STT3A: variants seen among roughly 807,000 people sequenced by gnomAD.
STT3A encodes dolichyl-diphosphooligosaccharide--protein glycosyltransferase subunit STT3A.
A neutral mutation model predicts 89.2 loss-of-function variants in STT3A; 34 were observed. The observed-to-expected ratio is 0.38, with a 90% CI of 0.29 to 0.51. The LOEUF is 0.51. Ranked by LOEUF, STT3A falls within the 20% of genes least tolerant of loss-of-function variation. The probability of loss-of-function intolerance (pLI) is 0.89; values close to 1 mark genes in which losing one functional copy is unlikely to be tolerated. For missense variants in STT3A, 555 were observed against 889.5 expected (o/e 0.62, Z 4.78); for synonymous variants, 282 against 310.3 (o/e 0.91, Z 0.96).
intron 6 of STT3A, among the ~76,000 whole-genome samples, 163 bp from the exon 7 acceptor site, chr11:125,605,466 A>G (rs1236715203): frequency 6.6e-6 from 1 of 152,228 alleles, no homozygotes; most frequent in African/African-American, 2.4e-5. Flanking sequence ...AGTAGATACT[A>G]TTACTTCTTC....
intron 3 of STT3A, among the ~76,000 whole-genome samples, chr11:125,598,144 G>A (rs977190013): frequency 4.6e-5 from 7 of 152,130 alleles, no homozygotes; most frequent in Non-Finnish European, 8.8e-5. Flanking sequence ...CGCAGGAGGT[G>A]GAGGTTGCAG....
chr11:125,602,005 G>A (rs984878931), intron 3 of STT3A, among the ~76,000 whole-genome samples: 2 of 151,974 alleles, frequency 1.3e-5, no homozygotes, highest in Admixed American at 6.6e-5. Flanking sequence ...CAACATGTTC[G>A]TCAGGCCAGT....
chr11:125,594,474 T>A (rs1382395735), intron 1 of STT3A, among the ~76,000 whole-genome samples: 2 of 149,554 alleles, frequency 1.3e-5, no homozygotes, highest in Non-Finnish European at 3.0e-5. Context: ...CAGCTTCTCA[T>A]GAGGCTGAGG....
chr11:125,602,777 A>G, intron 4 of STT3A, 26 bp from the exon 5 acceptor site: 2 of 1,613,852 alleles, frequency 1.2e-6, no homozygotes, highest in South Asian at 2.2e-5. Context: ...AAGACAACCT[A>G]ATGGAGTTTC....
rs973965762 is a variant in STT3A, at chr11:125,605,776, A to G, written c.615+41A>G. The G allele has an allele frequency of 3.9e-6, 6 of 1,530,250 alleles. No individual in the cohort carries two copies. In the African/African-American group the frequency reaches 8.2e-5, roughly 21 times the overall value. The allele number at this position is 1,530,250 out of a possible 1,614,324, so 94.8% of individuals were successfully genotyped here. A position where few individuals can be genotyped will look rare whatever the true frequency, so the allele number is the denominator to read the frequency against. On this transcript the variant is annotated intron_variant, in intron 7 of 17. Coordinates refer to ENST00000392708, the MANE Select transcript of STT3A (RefSeq NM_152713.5). ...TGTTTTCAATTTTTAAAGTTCTCTA[A>G]ATACTGTATTTCCTATGGGTACTTA...
chr11:125,622,954 G>A lies in STT3A; in HGVS notation c.*2144G>A, dbSNP rs1371592808. 2 of 151,738 alleles carry A rather than the reference G, an allele frequency of 1.3e-5. No homozygotes were observed. Among genetic ancestry groups the A allele is most frequent in the African/African-American group, 4.8e-5 (2 of 41,312 alleles). The allele number at this position is 151,738 out of a possible 1,614,324, so 9.4% of individuals were successfully genotyped here. On this transcript the variant is annotated 3_prime_UTR_variant, in exon 18 of 18. Coordinates refer to ENST00000392708, the MANE Select transcript of STT3A (RefSeq NM_152713.5). ...TAGCTGGGTGTGGGGTACACACCCT[G>A]TAATCTCAGCTACTGGGGAGGCTGA...
At position 125,622,095 on chromosome 11, in the gene STT3A, A is replaced by C. The variant is rs1328346058; in HGVS notation, c.*1285A>C. 1 of 152,234 alleles carries C rather than the reference A, an allele frequency of 6.6e-6. No homozygotes were observed. Among genetic ancestry groups the C allele is most frequent in the African/African-American group, 2.4e-5 (1 of 41,466 alleles). The allele number at this position is 152,234 out of a possible 1,614,324, so 9.4% of individuals were successfully genotyped here. On this transcript the variant is annotated 3_prime_UTR_variant, in exon 18 of 18. Transcript: ENST00000392708. ...GAGGACATTTAATATCAGGACAAAG[A>C]GCCTATGAATATATCACTGATGTAT...
At position 125,614,197 on chromosome 11, in the gene STT3A, A is replaced by T; in HGVS notation, c.1665A>T (p.Val555=). The T allele has an allele frequency of 2.5e-6, 4 of 1,614,122 alleles. No individual in the cohort carries two copies. The highest frequency in any genetic ancestry group is 3.4e-6 in the Non-Finnish European group (4 of 1,179,956). The change falls in exon 14 of 18, where the codon GTA becomes GTT. Residue 555 remains valine (V), a synonymous_variant. Coordinates refer to ENST00000392708, the MANE Select transcript of STT3A (RefSeq NM_152713.5). This position sits in a 1 kb window ranked among gnomAD's most constrained non-coding sequence, Gnocchi z 4.9. ...GGAATAATACCCATATTTCTCGAGTAGGGCAGGTAAGATAAAGGGATGATC... is the reference window on the plus strand; with the variant it reads ...GGAATAATACCCATATTTCTCGAGTTGGGCAGGTAAGATAAAGGGATGATC... ...NTWNNTHISR[V]GQAMASTEEK...
intron 3 of STT3A, among the ~76,000 whole-genome samples, chr11:125,600,301 C>T (rs1034214709): frequency 2.0e-5 from 3 of 152,034 alleles, no homozygotes; most frequent in Non-Finnish European, 2.9e-5. Flanking sequence ...CCACCTGCGT[C>T]GGCCTCCCAA....
In STT3A at chr11:125,614,022, C is replaced by T. The variant is rs1316955401; in HGVS notation, c.1555-65C>T. ...TTCTGTCAGACCAAAGATGCCTTCT[C>T]TGTTGCATTTGATTTTTAGAGACAG... On this transcript the variant is annotated intron_variant, in intron 13 of 17. Transcript: ENST00000392708. This position sits in a 1 kb window ranked among gnomAD's most constrained non-coding sequence, Gnocchi z 4.9. 1.4e-6 allele frequency: 2 copies of T among 1,447,676 alleles called. No homozygotes were observed. Among genetic ancestry groups the T allele is most frequent in the Admixed American group, 1.7e-5 (1 of 58,758 alleles). 89.7% of individuals were successfully genotyped at this position (1,447,676 alleles called of 1,614,324 possible).
At chr11:125,612,901 C>T in intron 12 of STT3A, 88 bp from the exon 13 acceptor site, 1 of 1,528,946 alleles carries the variant, frequency 6.5e-7, no homozygotes, top group East Asian at 2.3e-5. Context: ...TGATCAATCT[C>T]ATCTATATGA....
At position 125,602,430 on chromosome 11, in the gene STT3A, G is replaced by A; in HGVS notation, c.271+6G>A. ...TGGAGGAACAATTTACCCAGGTGAG[G>A]AGACCAGATGTGTTTTTTTTTTTAA... On this transcript the variant is annotated splice_donor_region_variant and intron_variant, in intron 4 of 17. Coordinates refer to ENST00000392708, the MANE Select transcript of STT3A (RefSeq NM_152713.5). 4 of 1,568,724 alleles carry A rather than the reference G, an allele frequency of 2.5e-6. No homozygotes were observed. The highest frequency in any genetic ancestry group is 1.4e-5 in the African/African-American group (1 of 71,962).
chr11:125,607,251 A>G lies in STT3A; in HGVS notation c.780+786A>G, dbSNP rs137886800. 2.4e-4 allele frequency among the ~76,000 whole-genome samples: 36 copies of G among 152,340 alleles called. No homozygotes were observed. In the East Asian group the frequency reaches 6.2e-3, roughly 26 times the overall value. On this transcript the variant is annotated intron_variant, in intron 8 of 17. Transcript: ENST00000392708. ...GTTCTGAGCATGTTTAAGGTAGTCT[A>G]CGCTAAGCTGTGATGTTCCATAGGC...
intron 5 of STT3A, among the ~76,000 whole-genome samples, chr11:125,603,664 G>A (rs755162202): frequency 7.2e-5 from 11 of 152,340 alleles, no homozygotes; most frequent in Admixed American, 5.2e-4. Context: ...AAGGGTGCCT[G>A]GTGATATTTA....
At chr11:125,601,610 C>T (rs79227215) in intron 3 of STT3A, among the ~76,000 whole-genome samples, 6 of 151,394 alleles carry the variant, frequency 4.0e-5, no homozygotes, top group East Asian at 1.9e-4. Flanking sequence ...GCAACAAGAG[C>T]GAAACTCTGT....
chr11:125,602,228 C>G, intron 3 of STT3A, 75 bp from the exon 4 acceptor site: 1 of 1,515,296 alleles, frequency 6.6e-7, no homozygotes, highest in Non-Finnish European at 8.9e-7. Context: ...TTGAGTAATG[C>G]TGAATTTCTC....
chr11:125,612,917 T>C, intron 12 of STT3A, 72 bp from the exon 13 acceptor site: 1 of 1,561,018 alleles, frequency 6.4e-7, no homozygotes, highest in Non-Finnish European at 8.8e-7. Context: ...TATGAATGTG[T>C]CTAAGAAGTT....
intron 3 of STT3A, 67 bp from the exon 4 acceptor site, chr11:125,602,236 C>A: frequency 6.5e-7 from 1 of 1,542,192 alleles, no homozygotes; most frequent in Non-Finnish European, 8.8e-7. Flanking sequence ...TGCTGAATTT[C>A]TCAATGGTGT....
upstream of STT3A, chr11:125,592,454 G>C (rs779425380): frequency 6.6e-6 from 3 of 456,248 alleles, no homozygotes; most frequent in South Asian, 4.6e-5. Context: ...TCCGCATTCC[G>C]AGTTACTGGG....
Sources: allele counts gnomAD v4.1 joint callset (sites outside exome capture counted in the v4.1 genomes callset), GRCh38; gene constraint gnomAD v4.1.1; non-coding constraint Gnocchi (gnomAD v3.1); transcripts MANE v1.5; gene names NCBI Gene and HGNC (gene_info 2026-07-23, HGNC 2026-07-21).